Variants in DAGLB observed in about 807,000 individuals in gnomAD.
DAGLB encodes the protein diacylglycerol lipase-beta.
In DAGLB, 66 loss-of-function variants were observed where a neutral mutation model predicts 72.1. The observed-to-expected ratio is 0.92, with a 90% CI of 0.75 to 1.12. DAGLB has a LOEUF of 1.12. Ranked by LOEUF, DAGLB falls within the 50% of genes most tolerant of loss-of-function variation. DAGLB has a pLI of 0.00. For missense variants in DAGLB, 1,065 were observed against 884.9 expected (o/e 1.20, Z -2.58); for synonymous variants, 414 against 359.5 (o/e 1.15, Z -1.71).
chr7:6,421,620 G>A, intron 9 of DAGLB, 107 bp downstream of exon 9: 1 of 969,088 alleles, frequency 1.0e-6, no homozygotes, highest in Non-Finnish European at 1.5e-6. Flanking sequence ...GGCGCAGGCA[G>A]CGCGGGAGGC....
rs201741523 is a variant in DAGLB, at chr7:6,435,935, C to G, written c.419+427G>C. ...TTTTTAGCCTAGAAAACACGAAAAC[C>G]TTATTGTTCTAGAATATTATTCCCT... On this transcript the variant is annotated intron_variant, in intron 3 of 14. Transcript: ENST00000297056. Among the ~76,000 whole-genome samples the G allele has an allele frequency of 2.0e-4, 30 of 152,198 alleles. No homozygotes were observed. In the East Asian group the frequency reaches 4.8e-3, roughly 24 times the overall value.
At chr7:6,411,638 G>A (rs1234343321) in intron 13 of DAGLB, among the ~76,000 whole-genome samples, 3 of 152,092 alleles carry the variant, frequency 2.0e-5, no homozygotes, top group Non-Finnish European at 4.4e-5. Flanking sequence ...AAAAAACTGG[G>A]GGAGGTAATT....
intron 9 of DAGLB, among the ~76,000 whole-genome samples, chr7:6,418,847 G>A (rs1433766894): frequency 6.6e-6 from 1 of 151,610 alleles, no homozygotes; most frequent in Non-Finnish European, 1.5e-5. Context: ...TGTATTTTTA[G>A]TAGAGACGGG....
chr7:6,428,697 G>C (rs891334850), intron 6 of DAGLB, among the ~76,000 whole-genome samples: 3 of 152,122 alleles, frequency 2.0e-5, no homozygotes, highest in African/African-American at 4.8e-5. Context: ...GTGTTGGTCA[G>C]GATGGTCTTG....
At chr7:6,439,969 T>A (rs1302901763) in intron 2 of DAGLB, among the ~76,000 whole-genome samples, 1 of 146,440 alleles carries the variant, frequency 6.8e-6, no homozygotes, top group Admixed American at 7.0e-5. Flanking sequence ...GGAGAATCGG[T>A]CGAACCCAAG....
intron 6 of DAGLB, among the ~76,000 whole-genome samples, chr7:6,430,250 C>CATATATATATATATATATATATATATAT (rs57374634): frequency 3.1e-4 from 14 of 45,746 alleles, no homozygotes; most frequent in South Asian, 1.1e-3. Context: ...AATACATGTG[C>CATATATATATATATATATATATATATAT]ATATATATAT....
intron 2 of DAGLB, among the ~76,000 whole-genome samples, chr7:6,439,142 C>A (rs777292082): frequency 1.8e-4 from 27 of 151,860 alleles, no homozygotes; most frequent in Non-Finnish European, 3.4e-4. Context: ...GTAGTCCCAG[C>A]TACTCAGGAA....
At position 6,416,892 on chromosome 7, in the gene DAGLB, G is replaced by A. The variant is rs773758159; in HGVS notation, c.1248C>T (p.Tyr416=). ...AAATCCCGTCGTTGATGAGTCGTTG[G>A]TAAACGTATCTGGCAGCTTGAGAAA... ...KGISQAARYV[Y]QRLINDGILS... The change falls in exon 10 of 15, where the codon TAC becomes TAT. Residue 416 remains tyrosine (Y), a synonymous_variant. Coordinates refer to ENST00000297056, the MANE Select transcript of DAGLB (RefSeq NM_139179.4). The A allele has an allele frequency of 2.5e-6, 4 of 1,614,080 alleles. No individual in the cohort carries two copies. Among genetic ancestry groups the A allele is most frequent in the African/African-American group, 1.3e-5 (1 of 74,932 alleles).
rs1784991831 is a variant in DAGLB, at chr7:6,446,117, A to G, written c.96-13T>C. 2.5e-6 allele frequency: 4 copies of G among 1,584,860 alleles called. No individual in the cohort carries two copies. The highest frequency in any genetic ancestry group is 3.4e-6 in the Non-Finnish European group (4 of 1,170,238). The stretch of plus-strand genomic sequence containing the variant: ...AATGCCAATCCACCTGGCAAAAAAA[A>G]AAAAGGGAAGGGTCAGAAATGAAAT... On this transcript the variant is annotated splice_polypyrimidine_tract_variant and intron_variant, in intron 1 of 14. Transcript: ENST00000297056.
chr7:6,413,566 C>G (rs939758096), intron 11 of DAGLB, among the ~76,000 whole-genome samples: 1 of 151,484 alleles, frequency 6.6e-6, no homozygotes, highest in Non-Finnish European at 1.5e-5. Context: ...GGAGGCGGAG[C>G]TGGCAGTGAA....
intron 9 of DAGLB, 149 bp from the exon 10 acceptor site, chr7:6,417,070 G>A: frequency 1.1e-6 from 1 of 871,422 alleles, no homozygotes; most frequent in Non-Finnish European, 1.8e-6. Flanking sequence ...CATCGTGCAT[G>A]GCTGTGCTCC....
At chr7:6,416,568 A>C in intron 11 of DAGLB, 59 bp downstream of exon 11, 3 of 1,523,774 alleles carry the variant, frequency 2.0e-6, no homozygotes, top group Non-Finnish European at 2.6e-6. Context: ...AAAAAAGATG[A>C]GTCTTGACCA....
intron 5 of DAGLB, 138 bp downstream of exon 5, chr7:6,432,699 G>C: frequency 2.7e-6 from 3 of 1,095,346 alleles, no homozygotes; most frequent in Non-Finnish European, 3.6e-6. Flanking sequence ...GGAGGGAAGG[G>C]GAGGAGGGGG....
chr7:6,428,792 T>C (rs556729247), intron 6 of DAGLB, among the ~76,000 whole-genome samples: 168 of 152,010 alleles, frequency 1.1e-3, no homozygotes, highest in African/African-American at 3.3e-3. Context: ...TGGTGGGATA[T>C]AGACATATAT....
Position 6,412,988 on chromosome 7 carries a change from G to T in DAGLB, c.1474C>A (p.Leu492Met), listed in dbSNP as rs148059863. Residue 492 changes from leucine (L) to methionine (M), a missense_variant, in exon 12 of 15, where the codon CTG becomes ATG. Physicochemically the swap from Leu to Met is conservative, Grantham distance 15 (BLOSUM62 2). Transcript: ENST00000297056. ...YSQSFIVSLV[L>M]GKDVIPRLSV... ...TACCTGGGAATCACATCCTTCCCCA[G>T]GACGAGTGACACGATGAAGCTCTGA... is the stretch of plus-strand genomic sequence containing the variant. The T allele has an allele frequency of 1.2e-5, 20 of 1,613,854 alleles. No homozygotes were observed. The highest frequency in any genetic ancestry group is 1.4e-5 in the Non-Finnish European group (16 of 1,179,948).
chr7:6,416,013 G>A (rs1425997129), intron 11 of DAGLB, among the ~76,000 whole-genome samples: 3 of 151,978 alleles, frequency 2.0e-5, no homozygotes, highest in South Asian at 2.1e-4. Flanking sequence ...GTCAACAACC[G>A]GACCCCTCTG....
chr7:6,443,175 C>A (rs1353395132), intron 2 of DAGLB, among the ~76,000 whole-genome samples: 1 of 135,944 alleles, frequency 7.4e-6, no homozygotes, highest in Non-Finnish European at 1.5e-5. Flanking sequence ...GGTGAAAGAG[C>A]GAGACTCCAT....
chr7:6,447,618 A>G lies in DAGLB; in HGVS notation c.95+130T>C, dbSNP rs1358911739. The stretch of plus-strand genomic sequence containing the variant: ...TTCGGGCAGTGGTGAGAACTCGATA[A>G]GAGGATGCGTGGCCAGCGCTGGGAC... On this transcript the variant is annotated intron_variant, in intron 1 of 14. Transcript: ENST00000297056. 4.6e-6 allele frequency: 6 copies of G among 1,301,000 alleles called. No homozygotes were observed. In the African/African-American group the frequency reaches 7.6e-5, roughly 16 times the overall value. The allele number at this position is 1,301,000 out of a possible 1,614,324, so 80.6% of individuals were successfully genotyped here.
rs1783774946 is a variant in DAGLB at position 6,412,834 on chromosome 7, C to T, written c.1546G>A (p.Val516Ile). 1.3e-6 allele frequency: 2 copies of T among 1,597,376 alleles called. No homozygotes were observed. The highest frequency in any genetic ancestry group is 1.3e-5 in the African/African-American group (1 of 74,728). Reference protein sequence around the residue: ...EDLKRRILRVVAHCNKPKYKI... With the variant: ...EDLKRRILRVIAHCNKPKYKI... ...ACCTTGGGTTTATTGCAGTGCGCGA[C>T]CACTCGCAAGATTCTTCTCTTCAGA... The change falls in exon 13 of 15, where the codon GTC becomes ATC. Residue 516 changes from valine to isoleucine, a missense_variant. By Grantham distance (29) the Val-to-Ile change is conservative. Coordinates refer to ENST00000297056, the MANE Select transcript of DAGLB (RefSeq NM_139179.4).
Sources: gnomAD v4.1 joint callset for allele counts (sites outside exome capture counted in the v4.1 genomes callset) on GRCh38, gnomAD v4.1.1 for gene constraint, MANE v1.5 for transcripts, NCBI Gene and HGNC (gene_info 2026-07-23, HGNC 2026-07-21) for gene names.